The following LIMCH1 variants were observed in gnomAD, a reference collection of about 807,000 sequenced individuals.
The protein encoded by LIMCH1 is LIM and calponin homology domains 1.
In LIMCH1, 113 loss-of-function variants were observed where a neutral mutation model predicts 176.5. The observed-to-expected ratio is 0.64, with a 90% CI of 0.55 to 0.75. LIMCH1 has a LOEUF of 0.75. LIMCH1 is among the 30% of genes least tolerant of loss of function. The pLI, the probability that LIMCH1 is intolerant of heterozygous loss-of-function variation, is 0.00. For missense variants in LIMCH1, 1,674 were observed against 1,814.9 expected (o/e 0.92, Z 1.41); for synonymous variants, 619 against 645.9 (o/e 0.96, Z 0.63).
At chr4:41,518,930 T>C (rs1018600412) in intron 2 of LIMCH1, among the ~76,000 whole-genome samples, 6 of 152,162 alleles carry the variant, frequency 3.9e-5, no homozygotes, top group African/African-American at 1.4e-4. Flanking sequence ...TTTTTACGGC[T>C]GCATAGTATT....
In LIMCH1 at chr4:41,441,734, T is replaced by C. The variant is rs571382045; in HGVS notation, c.97-52802T>C. Among the ~76,000 whole-genome samples, 3 of 152,352 alleles carry C rather than the reference T, an allele frequency of 2.0e-5. No homozygotes were observed. In the South Asian group the frequency reaches 6.2e-4, roughly 32 times the overall value. ...TAATACTCTTTTTCTTTTTCTTGGT[T>C]TTTATTTTAACTTCTTAAAGATTGA... On this transcript the variant is annotated intron_variant, in intron 1 of 26. Transcript: ENST00000313860.
intron 14 of LIMCH1, among the ~76,000 whole-genome samples, chr4:41,643,255 G>A (rs1300470795): frequency 6.6e-6 from 1 of 152,128 alleles, no homozygotes; most frequent in Non-Finnish European, 1.5e-5. Flanking sequence ...GTCTGGCCAT[G>A]GGAGTAACAA....
At chr4:41,648,658 GGTGTGTGTGTGTGTGTGTGTGT>G (rs71650941) in intron 17 of LIMCH1, among the ~76,000 whole-genome samples, 1 of 135,334 alleles carries the variant, frequency 7.4e-6, no homozygotes, top group Non-Finnish European at 1.6e-5. Context: ...AAGGGGTAGG[GGTGTGTGTGTGTGTGTGTGTGT>G]GTGTGTGTGT....
At chr4:41,373,504 A>G (rs1432784391) in intron 1 of LIMCH1, among the ~76,000 whole-genome samples, 1 of 152,376 alleles carries the variant, frequency 6.6e-6, no homozygotes, top group Admixed American at 6.5e-5. Flanking sequence ...CTCTCAAATT[A>G]CTATAGTTCC....
At chr4:41,528,506 T>A (rs2076924210) in intron 3 of LIMCH1, among the ~76,000 whole-genome samples, 1 of 152,220 alleles carries the variant, frequency 6.6e-6, no homozygotes, top group African/African-American at 2.4e-5. Context: ...CAATATTTTC[T>A]TCTTCCAAAT....
intron 1 of LIMCH1, among the ~76,000 whole-genome samples, chr4:41,572,950 G>A (rs953695537): frequency 3.5e-4 from 53 of 152,194 alleles, no homozygotes; most frequent in Non-Finnish European, 1.2e-4. Context: ...ACCAAGATAT[G>A]GTTATCTACA....
At chr4:41,488,439 A>G (rs2070121434) in intron 1 of LIMCH1, among the ~76,000 whole-genome samples, 1 of 152,244 alleles carries the variant, frequency 6.6e-6, no homozygotes, top group Non-Finnish European at 1.5e-5. Flanking sequence ...GGAAAACTCG[A>G]TATTCATAAA....
At chr4:41,520,576 A>G (rs2076020001) in intron 2 of LIMCH1, among the ~76,000 whole-genome samples, 1 of 152,160 alleles carries the variant, frequency 6.6e-6, no homozygotes, top group Non-Finnish European at 1.5e-5. Context: ...CCAAAGAACA[A>G]GAACTTTGCT....
At chr4:41,502,351 A>T (rs1437192340) in intron 2 of LIMCH1, among the ~76,000 whole-genome samples, 1 of 152,260 alleles carries the variant, frequency 6.6e-6, no homozygotes, top group African/African-American at 2.4e-5. Flanking sequence ...CGCTATTGTG[A>T]ATAGTGCTGC....
At chr4:41,364,706 A>G (rs561703084) in intron 1 of LIMCH1, among the ~76,000 whole-genome samples, 1 of 152,364 alleles carries the variant, frequency 6.6e-6, no homozygotes, top group African/African-American at 2.4e-5. Flanking sequence ...AACTCCAAGC[A>G]GAATGCTCAA....
intron 1 of LIMCH1, among the ~76,000 whole-genome samples, chr4:41,423,943 A>G (rs146027155): frequency 1.2e-3 from 177 of 152,306 alleles, no homozygotes; most frequent in Middle Eastern, 3.4e-3. Flanking sequence ...GGGCCAGTCA[A>G]TGAGTTACTC....
chr4:41,526,525 G>C (rs992704982), intron 3 of LIMCH1, among the ~76,000 whole-genome samples: 7 of 151,966 alleles, frequency 4.6e-5, no homozygotes, highest in African/African-American at 1.7e-4. Context: ...TCGCCATCCC[G>C]CAACCCCCTG....
At chr4:41,465,381 G>A (rs1264941303) in intron 1 of LIMCH1, among the ~76,000 whole-genome samples, 1 of 152,102 alleles carries the variant, frequency 6.6e-6, no homozygotes, top group East Asian at 1.9e-4. Context: ...GCACACCAGT[G>A]AGGTCCAAAA....
chr4:41,679,844 C>T (rs1243671516), intron 23 of LIMCH1, among the ~76,000 whole-genome samples, 162 bp from the exon 24 acceptor site: 1 of 152,166 alleles, frequency 6.6e-6, no homozygotes, highest in Non-Finnish European at 1.5e-5. Context: ...TTGAGTGCCA[C>T]AAAACCATAT....
At chr4:41,674,163 G>A (rs185708666) in intron 22 of LIMCH1, among the ~76,000 whole-genome samples, 25 of 152,162 alleles carry the variant, frequency 1.6e-4, no homozygotes, top group Admixed American at 4.6e-4. Context: ...CACATATTCT[G>A]TATTTTCTGT....
Position 41,633,535 on chromosome 4 carries a change from A to C in LIMCH1, c.1830-13A>C. 6.5e-7 allele frequency: 1 copy of C among 1,534,330 alleles called. No individual in the cohort carries two copies. The highest frequency in any genetic ancestry group is 8.7e-7 in the Non-Finnish European group (1 of 1,145,712). On this transcript the variant is annotated splice_polypyrimidine_tract_variant and intron_variant, in intron 12 of 31. Coordinates refer to ENST00000503057, the MANE Select transcript of LIMCH1 (RefSeq NM_001330672.2). ...AAGTGGCCTTTGACTGGCTGGACTG[A>C]ATGTTGCCCTAGGGTGTGTCCTCTG...
chr4:41,481,928 G>A (rs146198870), intron 1 of LIMCH1, among the ~76,000 whole-genome samples: 1 of 151,494 alleles, frequency 6.6e-6, no homozygotes, highest in East Asian at 1.9e-4. Flanking sequence ...TCAGCTCACT[G>A]CAACCTCGGT....
chr4:41,684,739 T>TA (rs552193751), intron 27 of LIMCH1, among the ~76,000 whole-genome samples: 15 of 149,602 alleles, frequency 1.0e-4, no homozygotes, highest in Non-Finnish European at 1.5e-4. Context: ...TGTTCGCACT[T>TA]AAAAAAAAAA....
intron 1 of LIMCH1, among the ~76,000 whole-genome samples, chr4:41,470,134 C>A (rs1430472936): frequency 6.6e-6 from 1 of 152,166 alleles, no homozygotes; most frequent in Non-Finnish European, 1.5e-5. Flanking sequence ...TACCCACTAC[C>A]CATGTATCAG....
Sources: allele counts gnomAD v4.1 joint callset (sites outside exome capture counted in the v4.1 genomes callset), GRCh38; gene constraint gnomAD v4.1.1; transcripts MANE v1.5; gene names NCBI Gene and HGNC (gene_info 2026-07-23, HGNC 2026-07-21).